Variants in DLEC1 observed in about 807,000 individuals in gnomAD.
DLEC1 encodes the protein DLEC1 cilia and flagella associated protein, also known as deleted in lung and esophageal cancer protein 1.
A neutral mutation model predicts 198.1 loss-of-function variants in DLEC1; 146 were observed. The ratio of observed to expected loss-of-function variants is 0.74; its 90% CI spans 0.64 to 0.85. DLEC1 has a LOEUF of 0.85. Ranked by LOEUF, DLEC1 falls within the 40% of genes least tolerant of loss-of-function variation. The pLI, the probability that DLEC1 is intolerant of heterozygous loss-of-function variation, is 0.00. For missense variants in DLEC1, 2,233 were observed against 2,220.0 expected, an observed-to-expected ratio of 1.01 and a Z score of -0.12; for synonymous variants, 897 against 866.8, an observed-to-expected ratio of 1.03 and a Z score of -0.61.
chr3:38,066,232 T>G (rs1559411125), intron 6 of DLEC1, among the ~76,000 whole-genome samples: 1 of 152,258 alleles, frequency 6.6e-6, no homozygotes, highest in East Asian at 1.9e-4. Context: ...CCTAGATGAC[T>G]GCCAGATGAC....
chr3:38,095,126 C>T, intron 13 of DLEC1, 55 bp downstream of exon 13: 1 of 1,586,506 alleles, frequency 6.3e-7, no homozygotes, highest in Non-Finnish European at 8.6e-7. Flanking sequence ...TATTTAGACC[C>T]CCCACCTGTG....
At chr3:38,039,836 CCA>C (rs1559385535) in intron 1 of DLEC1, among the ~76,000 whole-genome samples, 200 bp downstream of exon 1, 2 of 152,336 alleles carry the variant, frequency 1.3e-5, no homozygotes, top group African/African-American at 4.8e-5. Flanking sequence ...ACCACACATA[CCA>C]CACAACGTGC....
Position 38,112,355 on chromosome 3 carries a change from C to T in DLEC1, c.3660C>T (p.Ile1220=), listed in dbSNP as rs996209031. Residue 1220 remains isoleucine, a synonymous_variant, in exon 25 of 37, where the codon ATC becomes ATT. Coordinates refer to ENST00000308059, the MANE Select transcript of DLEC1 (RefSeq NM_007335.4). The surrounding 1 kb of genome is among the most constrained non-coding windows in gnomAD (Gnocchi z 4.8). ...NMWGEYWDNL[I]CTVGDLLPEV... ...GGGGCGAGTACTGGGACAACCTCATCTGCACGGTAAGGGTACACAAGAGGG... is the reference window on the plus strand; with the variant it reads ...GGGGCGAGTACTGGGACAACCTCATTTGCACGGTAAGGGTACACAAGAGGG... The T allele has an allele frequency of 1.2e-6, 2 of 1,614,012 alleles. No homozygotes were observed. The highest frequency in any genetic ancestry group is 2.7e-5 in the African/African-American group (2 of 74,922).
chr3:38,064,778 A>G (rs1696917503), intron 6 of DLEC1, among the ~76,000 whole-genome samples: 1 of 143,066 alleles, frequency 7.0e-6, no homozygotes, highest in Non-Finnish European at 1.5e-5. Flanking sequence ...ATCCCAGACG[A>G]TGGGCGGCCG....
At chr3:38,085,029 T>C (rs188524359) in intron 7 of DLEC1, among the ~76,000 whole-genome samples, 1 of 152,342 alleles carries the variant, frequency 6.6e-6, no homozygotes, top group Non-Finnish European at 1.5e-5. Flanking sequence ...GGGCCAGGCA[T>C]GGCCCCACCT....
chr3:38,045,636 C>T lies in DLEC1; in HGVS notation c.505C>T (p.Arg169Trp), dbSNP rs375143949. 31 of 1,613,926 alleles carry T rather than the reference C, an allele frequency of 1.9e-5. No individual in the cohort carries two copies. Among genetic ancestry groups the T allele is most frequent in the East Asian group, 1.6e-4 (7 of 44,876 alleles). Residue 169 changes from arginine (R) to tryptophan (W), a missense_variant, in exon 2 of 37, where the codon CGG becomes TGG. By Grantham distance (101) the Arg-to-Trp change is moderately radical. Coordinates refer to ENST00000308059, the MANE Select transcript of DLEC1 (RefSeq NM_007335.4). The stretch of plus-strand genomic sequence containing the variant: ...AGCACGGGCTATTGCGGAAAATGAG[C>T]GGGTCATGAGCCAGGCTGGAGTACA... ...AQARAIAENE[R>W]VMSQAGVQDL...
chr3:38,121,634 C>A lies in DLEC1; in HGVS notation c.4873C>A (p.Pro1625Thr). ...GTTGCCTGGTCTCCCACAGGTGGTGCCCCTGCGGGCTGTGGTGGCCGTGCC... is the reference window on the plus strand; with the variant it reads ...GTTGCCTGGTCTCCCACAGGTGGTGACCCTGCGGGCTGTGGTGGCCGTGCC... The part of the protein sequence containing the change: ...EYTNQTTQVV[P>T]LRAVVAVPEL... Residue 1625 changes from proline to threonine, a missense_variant, in exon 35 of 37, where the codon CCC becomes ACC. Coordinates refer to ENST00000308059, the MANE Select transcript of DLEC1 (RefSeq NM_007335.4). 6.2e-7 allele frequency: 1 copy of A among 1,613,212 alleles called. No individual in the cohort carries two copies. The highest frequency in any genetic ancestry group is 8.5e-7 in the Non-Finnish European group (1 of 1,179,724).
At chr3:38,084,542 A>AGTAGTGGTG (rs1575171874) in intron 7 of DLEC1, among the ~76,000 whole-genome samples, 22 of 706 alleles carry the variant, frequency 0.031, no homozygotes, top group East Asian at 0.3. Context: ...TGGTGGTGGT[A>AGTAGTGGTG]GTAGTAGTGG....
intron 6 of DLEC1, among the ~76,000 whole-genome samples, chr3:38,076,581 C>T (rs377549323): frequency 1.2e-3 from 189 of 152,112 alleles, no homozygotes; most frequent in African/African-American, 4.0e-3. Context: ...AGGCAAGGAC[C>T]GGCCATTTAC....
intron 23 of DLEC1, 41 bp from the exon 24 acceptor site, chr3:38,111,636 T>A (rs1483762094): frequency 6.2e-7 from 1 of 1,601,308 alleles, no homozygotes; most frequent in African/African-American, 1.3e-5. Flanking sequence ...TGGGACAGGC[T>A]TGTCTGACTT....
chr3:38,089,765 G>A (rs1698648025), intron 10 of DLEC1, among the ~76,000 whole-genome samples: 1 of 152,216 alleles, frequency 6.6e-6, no homozygotes, highest in East Asian at 1.9e-4. Flanking sequence ...CAGTGAGGGA[G>A]CTGGGGAAGG....
Position 38,065,230 on chromosome 3 carries a change from C to T in DLEC1, c.1173+1311C>T, listed in dbSNP as rs138655964. On this transcript the variant is annotated intron_variant, in intron 6 of 36. Coordinates refer to ENST00000308059, the MANE Select transcript of DLEC1 (RefSeq NM_007335.4). ...GCGCACGCCTGCAATCGCAGGCACT[C>T]GGCAGGCTGAGGCAGGAGAATCAGG... Among the ~76,000 whole-genome samples the T allele has an allele frequency of 9.1e-3, 1,391 of 152,348 alleles. 43 individuals carry two copies. In the East Asian group the frequency reaches 0.1, roughly 11 times the overall value.
At position 38,123,007 on chromosome 3, in the gene DLEC1, G is replaced by A; in HGVS notation, c.*595G>A. ...GTGTTACTGCCTTGCTGCTAGAGCA[G>A]CAGGACTGTCTGCGTAGCGCCTCCA... is the stretch of plus-strand genomic sequence containing the variant. On this transcript the variant is annotated 3_prime_UTR_variant, in exon 37 of 37. Transcript: ENST00000308059. The A allele has an allele frequency of 6.2e-7, 1 of 1,603,206 alleles. No individual in the cohort carries two copies.
Position 38,123,201 on chromosome 3 carries a change from C to G in DLEC1, c.*789C>G. The G allele has an allele frequency of 7.2e-7, 1 of 1,395,226 alleles. No homozygotes were observed. 86.4% of individuals were successfully genotyped at this position (1,395,226 alleles called of 1,614,324 possible). On this transcript the variant is annotated 3_prime_UTR_variant, in exon 37 of 37. Coordinates refer to ENST00000308059, the MANE Select transcript of DLEC1 (RefSeq NM_007335.4). ...AGACCAGGCTGACCCAGAAGGACGT[C>G]ATGGACAAGTAGGATGCAAAACCAT...
chr3:38,092,312 C>T (rs1033591536), intron 10 of DLEC1, among the ~76,000 whole-genome samples: 1 of 152,168 alleles, frequency 6.6e-6, no homozygotes, highest in Non-Finnish European at 1.5e-5. Context: ...TGCATGATTG[C>T]ACCTATATGT....
At chr3:38,059,894 G>A in intron 3 of DLEC1, 42 bp downstream of exon 3, 1 of 1,581,226 alleles carries the variant, frequency 6.3e-7, no homozygotes. Context: ...ACCATTTGGG[G>A]GAAGTTCAGT....
chr3:38,096,681 G>C lies in DLEC1; in HGVS notation c.2284G>C (p.Ala762Pro). Residue 762 changes from alanine to proline, a missense_variant, in exon 15 of 37, where the codon GCC (alanine) becomes CCC (proline). Ala to Pro is a conservative substitution (Grantham distance 27). Coordinates refer to ENST00000308059, the MANE Select transcript of DLEC1 (RefSeq NM_007335.4). ...EPFQVLLEPYALIIPGENYIG... is the reference protein window; with the variant it reads ...EPFQVLLEPYPLIIPGENYIG... The stretch of plus-strand genomic sequence containing the variant: ...TTTCCAGGTTCTCTTAGAGCCATAT[G>C]CCCTCATCATCCCAGGGGAGAACTA... The C allele has an allele frequency of 6.2e-7, 1 of 1,613,442 alleles. No individual in the cohort carries two copies. The highest frequency in any genetic ancestry group is 2.2e-5 in the East Asian group (1 of 44,878).
At chr3:38,108,266 ACC>A in intron 20 of DLEC1, 137 bp from the exon 21 acceptor site, 1 of 677,038 alleles carries the variant, frequency 1.5e-6, no homozygotes. Context: ...AGAAGTGAGC[ACC>A]CAGCCCTGTC....
Position 38,122,580 on chromosome 3 carries a change from A to T in DLEC1, c.*168A>T, listed in dbSNP as rs199512729. 6.4e-6 allele frequency: 8 copies of T among 1,247,198 alleles called. No homozygotes were observed. The South Asian group carries it at 1.1e-4, about 16-fold the overall frequency. The allele number at this position is 1,247,198 out of a possible 1,614,324, so 77.3% of individuals were successfully genotyped here. A position where few individuals can be genotyped will look rare whatever the true frequency, so the allele number is the denominator to read the frequency against. ...CACAATGGTCTCAGCCTAGGCCCTC[A>T]TGATATGTCCTCAGAGCTAACATAA... On this transcript the variant is annotated 3_prime_UTR_variant, in exon 37 of 37. Transcript: ENST00000308059.
Sources: allele counts gnomAD v4.1 joint callset (sites outside exome capture counted in the v4.1 genomes callset), GRCh38; gene constraint gnomAD v4.1.1; non-coding constraint Gnocchi (gnomAD v3.1); transcripts MANE v1.5; gene names NCBI Gene and HGNC (gene_info 2026-07-23, HGNC 2026-07-21).